The following TMEM163 variants were observed in gnomAD, a reference collection of about 807,000 sequenced individuals.
TMEM163 encodes transmembrane protein 163.
A neutral mutation model predicts 29.3 loss-of-function variants in TMEM163; 17 were observed. That is an observed-to-expected ratio of 0.58 (90% confidence interval 0.40 to 0.87). The LOEUF (loss-of-function observed/expected upper bound fraction) is 0.87. Among genes scored for constraint, TMEM163 ranks in the 40% least tolerant of loss-of-function variants. The pLI is 0.00. For synonymous variants in TMEM163, 157 were observed against 160.6 expected (o/e 0.98, Z 0.17); for missense variants, 303 against 381.5 (o/e 0.79, Z 1.71).
intron 6 of TMEM163, among the ~76,000 whole-genome samples, chr2:134,462,973 T>G (rs1321958052): frequency 6.6e-6 from 1 of 152,202 alleles, no homozygotes; most frequent in East Asian, 1.9e-4. Flanking sequence ...CCCACAGATC[T>G]GCGAGCCAGA....
chr2:134,516,778 T>G (rs990210887), intron 4 of TMEM163, among the ~76,000 whole-genome samples: 3 of 70,732 alleles, frequency 4.2e-5, no homozygotes, highest in African/African-American at 3.5e-4. Flanking sequence ...TGCATATCTA[T>G]TCATATATAT....
chr2:134,646,520 C>A (rs1372376891), intron 2 of TMEM163, among the ~76,000 whole-genome samples: 1 of 152,070 alleles, frequency 6.6e-6, no homozygotes, highest in Non-Finnish European at 1.5e-5. Context: ...TCTTGGCTCA[C>A]TGCAACCTCC....
intron 2 of TMEM163, among the ~76,000 whole-genome samples, chr2:134,704,860 T>C (rs973440269): frequency 3.3e-5 from 5 of 152,186 alleles, no homozygotes; most frequent in African/African-American, 9.7e-5. Flanking sequence ...GTTTCCTCTA[T>C]CTGCTTGGTG....
chr2:134,543,708 A>G (rs1680724042), intron 4 of TMEM163, among the ~76,000 whole-genome samples: 1 of 152,328 alleles, frequency 6.6e-6, no homozygotes, highest in African/African-American at 2.4e-5. Flanking sequence ...CTATCAAGCT[A>G]TCCTGTTGAC....
intron 4 of TMEM163, among the ~76,000 whole-genome samples, chr2:134,513,831 A>C (rs1402937344): frequency 6.6e-6 from 1 of 152,222 alleles, no homozygotes; most frequent in African/African-American, 2.4e-5. Flanking sequence ...TTTCAATCCA[A>C]GAGGAATGAT....
At chr2:134,593,328 G>A (rs1681980727) in intron 2 of TMEM163, among the ~76,000 whole-genome samples, 1 of 152,156 alleles carries the variant, frequency 6.6e-6, no homozygotes, top group Non-Finnish European at 1.5e-5. Context: ...GCCCCTTTCT[G>A]TAGAGCACAG....
intron 4 of TMEM163, among the ~76,000 whole-genome samples, chr2:134,508,709 C>T (rs1162335655): frequency 6.6e-6 from 1 of 152,086 alleles, no homozygotes; most frequent in Non-Finnish European, 1.5e-5. Context: ...CCCCCACTTC[C>T]CTTCATGTTT....
At chr2:134,520,192 GAATCA>G (rs1325540841) in intron 4 of TMEM163, among the ~76,000 whole-genome samples, 2 of 152,178 alleles carry the variant, frequency 1.3e-5, no homozygotes, top group Non-Finnish European at 2.9e-5. Context: ...CCCAAAGACA[GAATCA>G]AATCAATGTC....
At chr2:134,681,849 C>G (rs1684255768) in intron 2 of TMEM163, among the ~76,000 whole-genome samples, 1 of 152,130 alleles carries the variant, frequency 6.6e-6, no homozygotes, top group East Asian at 1.9e-4. Flanking sequence ...TTTCACATAC[C>G]CCAAAGCACC....
At chr2:134,661,048 C>T (rs1683736393) in intron 2 of TMEM163, among the ~76,000 whole-genome samples, 1 of 152,132 alleles carries the variant, frequency 6.6e-6, no homozygotes. Context: ...GGATTAGGGT[C>T]CTTATTGCAG....
chr2:134,646,203 G>A (rs761185765), intron 2 of TMEM163, among the ~76,000 whole-genome samples: 5 of 151,666 alleles, frequency 3.3e-5, no homozygotes, highest in African/African-American at 1.2e-4. Flanking sequence ...TTCCGCCTCA[G>A]CCTCCCAAGT....
At chr2:134,689,300 G>A (rs1029615951) in intron 2 of TMEM163, among the ~76,000 whole-genome samples, 2 of 151,782 alleles carry the variant, frequency 1.3e-5, no homozygotes, top group African/African-American at 4.8e-5. Flanking sequence ...TAGAGATGGG[G>A]TTTCACCATG....
chr2:134,526,205 C>T (rs1002094122), intron 4 of TMEM163, among the ~76,000 whole-genome samples: 2 of 152,172 alleles, frequency 1.3e-5, no homozygotes, highest in East Asian at 1.9e-4. Flanking sequence ...CTTGGGAAAT[C>T]GATGGGAGAA....
At chr2:134,683,857 C>T (rs1031272551) in intron 2 of TMEM163, among the ~76,000 whole-genome samples, 1 of 150,174 alleles carries the variant, frequency 6.7e-6, no homozygotes, top group African/African-American at 2.5e-5. Flanking sequence ...CCAAGGTCAT[C>T]ATTGGGGGAA....
rs185487876 is a variant in TMEM163 at position 134,578,513 on chromosome 2, G to A, written c.323-26422C>T. ...GCATTTCCCATCGTGGTTAGCGTCT[G>A]TATGTGTAATGTTGCATGCAGCCAT... On this transcript the variant is annotated intron_variant, in intron 2 of 7. Transcript: ENST00000281924. Among the ~76,000 whole-genome samples the A allele has an allele frequency of 2.0e-3, 298 of 152,328 alleles. 2 individuals carry two copies. Among genetic ancestry groups the A allele is most frequent in the African/African-American group, 6.7e-3 (279 of 41,580 alleles).
intron 4 of TMEM163, among the ~76,000 whole-genome samples, chr2:134,534,909 G>A (rs1208996280): frequency 6.6e-6 from 1 of 152,194 alleles, no homozygotes; most frequent in Non-Finnish European, 1.5e-5. Flanking sequence ...GATTGGTCTT[G>A]ATGCAGCTAA....
chr2:134,562,794 A>C (rs936678499), intron 2 of TMEM163, among the ~76,000 whole-genome samples: 3 of 152,158 alleles, frequency 2.0e-5, no homozygotes, highest in African/African-American at 7.2e-5. Context: ...GCTCCATAAA[A>C]CCCAAAGCAA....
At chr2:134,616,867 G>A (rs1682619094) in intron 2 of TMEM163, among the ~76,000 whole-genome samples, 1 of 152,066 alleles carries the variant, frequency 6.6e-6, no homozygotes, top group Non-Finnish European at 1.5e-5. Flanking sequence ...TAAAATGAAG[G>A]CAAAACAAGG....
chr2:134,709,275 T>A (rs997060126), intron 2 of TMEM163, among the ~76,000 whole-genome samples: 5 of 152,228 alleles, frequency 3.3e-5, no homozygotes, highest in African/African-American at 1.2e-4. Context: ...GAGCTCTCTC[T>A]GAAATATTCA....
Sources: allele counts gnomAD v4.1 joint callset (sites outside exome capture counted in the v4.1 genomes callset), GRCh38; gene constraint gnomAD v4.1.1; transcripts MANE v1.5; gene names NCBI Gene and HGNC (gene_info 2026-07-23, HGNC 2026-07-21).